The following POM121C variants were observed in gnomAD, a reference collection of about 807,000 sequenced individuals.
The protein encoded by POM121C is POM121 transmembrane nucleoporin C.
Under a neutral mutation model 66.4 loss-of-function variants are expected in POM121C, and 20 were observed. The observed-to-expected ratio is 0.30, with a 90% CI of 0.21 to 0.44. The LOEUF (loss-of-function observed/expected upper bound fraction) is 0.44, where lower values mean the gene tolerates loss of function less well. Ranked by LOEUF, POM121C falls within the 20% of genes least tolerant of loss-of-function variation. POM121C has a pLI of 1.00. For synonymous variants in POM121C, 286 were observed against 528.0 expected (o/e 0.54, Z 6.28); for missense variants, 580 against 1,225.7 (o/e 0.47, Z 7.87).
At chr7:75,433,005 C>T (rs184809806) in intron 7 of POM121C, among the ~76,000 whole-genome samples, 3 of 151,862 alleles carry the variant, frequency 2.0e-5, no homozygotes, top group Non-Finnish European at 4.4e-5. Flanking sequence ...GAGGCCAGGG[C>T]GGGTGGAATC....
intron 3 of POM121C, among the ~76,000 whole-genome samples, chr7:75,458,802 A>G (rs1464705083): frequency 6.6e-6 from 1 of 152,210 alleles, no homozygotes; most frequent in Non-Finnish European, 1.5e-5. Context: ...CCGAACCCAG[A>G]AAAATTACTC....
At chr7:75,463,682 A>G (rs1156435957) in intron 3 of POM121C, among the ~76,000 whole-genome samples, 1 of 151,960 alleles carries the variant, frequency 6.6e-6, no homozygotes, top group African/African-American at 2.4e-5. Context: ...CCCCATTATA[A>G]TACTCAAAAT....
At chr7:75,476,059 C>G (rs1792060793) in intron 1 of POM121C, among the ~76,000 whole-genome samples, 1 of 152,072 alleles carries the variant, frequency 6.6e-6, no homozygotes, top group Non-Finnish European at 1.5e-5. Context: ...ATGGGAAGAT[C>G]GTTTGAGCTC....
At chr7:75,443,600 G>GT in intron 3 of POM121C, among the ~76,000 whole-genome samples, 2 of 131,088 alleles carry the variant, frequency 1.5e-5, no homozygotes, top group African/African-American at 5.8e-5. Context: ...TAAGGAAGAT[G>GT]TGTAAGTAAA....
chr7:75,434,384 C>A (rs75238734), intron 7 of POM121C, among the ~76,000 whole-genome samples: 1 of 151,576 alleles, frequency 6.6e-6, no homozygotes, highest in South Asian at 2.1e-4. Flanking sequence ...GAGCAGTTCT[C>A]CTGCCTCAGC....
intron 3 of POM121C, among the ~76,000 whole-genome samples, chr7:75,448,391 T>TTAAAAA (rs1563148163): frequency 6.6e-6 from 1 of 151,382 alleles, no homozygotes; most frequent in African/African-American, 2.4e-5. Flanking sequence ...CATATATTTA[T>TTAAAAA]ATGTGCCTGT....
At position 75,424,041 on chromosome 7, in the gene POM121C, C is replaced by T. The variant is rs1554471325; in HGVS notation, c.1048+8G>A. 8.1e-6 allele frequency: 13 copies of T among 1,610,942 alleles called. No homozygotes were observed. In the South Asian group the frequency reaches 1.3e-4, roughly 16 times the overall value. The stretch of plus-strand genomic sequence containing the variant: ...GAAGGCTGGATCCACGGCCCCACTC[C>T]AGCTCACCTGGGCAGGGTGGCAGGC... On this transcript the variant is annotated splice_region_variant and intron_variant, in intron 12 of 14. Transcript: ENST00000615331.
chr7:75,484,508 T>A (rs1359657042), intron 1 of POM121C, among the ~76,000 whole-genome samples: 3 of 151,490 alleles, frequency 2.0e-5, no homozygotes, highest in Admixed American at 6.6e-5. Flanking sequence ...TACTTAAAAA[T>A]AACAAAAAAA....
At chr7:75,472,133 A>G (rs2923707) in intron 3 of POM121C, among the ~76,000 whole-genome samples, 2 of 151,216 alleles carry the variant, frequency 1.3e-5, no homozygotes, top group Non-Finnish European at 3.0e-5. Flanking sequence ...TGATCCGCCC[A>G]CCTCGGCCTC....
chr7:75,418,998 C>T, intron 14 of POM121C, 105 bp from the exon 15 acceptor site: 1 of 1,467,182 alleles, frequency 6.8e-7, no homozygotes. Context: ...ACACAGGGTG[C>T]CTCAATAGGG....
At chr7:75,476,020 C>T (rs1243064023) in intron 1 of POM121C, among the ~76,000 whole-genome samples, 1 of 152,110 alleles carries the variant, frequency 6.6e-6, no homozygotes, top group Non-Finnish European at 1.5e-5. Flanking sequence ...TGGCTCATGC[C>T]TATAATCCTA....
chr7:75,485,937 G>C lies in POM121C; in HGVS notation c.-531C>G, dbSNP rs1413189592. 7 of 497,636 alleles carry C rather than the reference G, an allele frequency of 1.4e-5. No individual in the cohort carries two copies. The highest frequency in any genetic ancestry group is 8.5e-5 in the Admixed American group (4 of 47,316). The allele number at this position is 497,636 out of a possible 1,614,324, so 30.8% of individuals were successfully genotyped here. On this transcript the variant is annotated 5_prime_UTR_variant, in exon 1 of 15. Coordinates refer to ENST00000615331, the MANE Select transcript of POM121C (RefSeq NM_001099415.3). ...GCGGGCTGCTGTCGCTGGCGCGCGC[G>C]TCTGCTCGCGAGGTCCCCTCCTGTC...
At chr7:75,430,057 A>G (rs1164096013) in intron 7 of POM121C, among the ~76,000 whole-genome samples, 2 of 152,232 alleles carry the variant, frequency 1.3e-5, no homozygotes, top group Non-Finnish European at 2.9e-5. Context: ...GATTAGAAGT[A>G]AACAAGGTCA....
At chr7:75,480,630 A>G (rs1584721518) in intron 1 of POM121C, among the ~76,000 whole-genome samples, 4 of 152,240 alleles carry the variant, frequency 2.6e-5, no homozygotes, top group Middle Eastern at 3.4e-3. Flanking sequence ...ACAAAAATTC[A>G]CAGTCTAAAT....
Position 75,485,926 on chromosome 7 carries a change from C to T in POM121C, c.-520G>A, listed in dbSNP as rs1228401628. The T allele has an allele frequency of 2.0e-6, 1 of 497,450 alleles. No homozygotes were observed. The highest frequency in any genetic ancestry group is 1.9e-5 in the African/African-American group (1 of 51,782). 30.8% of individuals were successfully genotyped at this position (497,450 alleles called of 1,614,324 possible). ...GAGAGGCCGGGGCGGGCTGCTGTCGCTGGCGCGCGCGTCTGCTCGCGAGGT... is the reference window on the plus strand; with the variant it reads ...GAGAGGCCGGGGCGGGCTGCTGTCGTTGGCGCGCGCGTCTGCTCGCGAGGT... On this transcript the variant is annotated 5_prime_UTR_variant, in exon 1 of 15. Coordinates refer to ENST00000615331, the MANE Select transcript of POM121C (RefSeq NM_001099415.3).
intron 7 of POM121C, among the ~76,000 whole-genome samples, chr7:75,433,213 C>T (rs1489345471): frequency 6.5e-5 from 7 of 107,616 alleles, no homozygotes; most frequent in Middle Eastern, 0.013. Context: ...CTAGCCCCAG[C>T]GACAGTGTGA....
chr7:75,484,511 C>CA (rs1430308277), intron 1 of POM121C, among the ~76,000 whole-genome samples: 1 of 151,616 alleles, frequency 6.6e-6, no homozygotes, highest in African/African-American at 2.4e-5. Flanking sequence ...TTAAAAATAA[C>CA]AAAAAAAATT....
At chr7:75,481,137 T>C (rs1343342920) in intron 1 of POM121C, among the ~76,000 whole-genome samples, 4 of 149,678 alleles carry the variant, frequency 2.7e-5, no homozygotes. Flanking sequence ...AAAGGAAGTA[T>C]CTGGGATTTC....
rs143897234 is a variant in POM121C at position 75,473,670 on chromosome 7, T to G, written c.-152+1034A>C. On this transcript the variant is annotated intron_variant, in intron 3 of 14. Coordinates refer to ENST00000615331, the MANE Select transcript of POM121C (RefSeq NM_001099415.3). Reference sequence around the variant, plus strand: ...GGCAGAAAATAAGTCCAAGGTTTTTTTTTGTTTGTTTGTTTGTTTGTTTTT... The same window carrying G: ...GGCAGAAAATAAGTCCAAGGTTTTTGTTTGTTTGTTTGTTTGTTTGTTTTT... Among the ~76,000 whole-genome samples, 718 of 152,092 alleles carry G rather than the reference T, an allele frequency of 4.7e-3. 2 individuals are homozygous for G. The highest frequency in any genetic ancestry group is 0.016 in the African/African-American group (675 of 41,490).
Sources: gnomAD v4.1 joint callset for allele counts (sites outside exome capture counted in the v4.1 genomes callset) on GRCh38, gnomAD v4.1.1 for gene constraint, MANE v1.5 for transcripts, NCBI Gene and HGNC (gene_info 2026-07-23, HGNC 2026-07-21) for gene names.